BSND: variants seen among roughly 807,000 people sequenced by gnomAD.
BSND encodes the protein barttin CLCNK type accessory subunit beta.
Under a neutral mutation model 18.8 loss-of-function variants are expected in BSND, and 13 were observed. That is an observed-to-expected ratio of 0.69 (90% CI 0.45 to 1.10). The LOEUF (loss-of-function observed/expected upper bound fraction) is 1.10, where lower values mean the gene tolerates loss of function less well. Among genes scored for constraint, BSND ranks in the 50% least tolerant of loss-of-function variants. BSND has a pLI of 0.00. For synonymous variants in BSND, 170 were observed against 161.8 expected, an observed-to-expected ratio of 1.05 and a Z score of -0.39; for missense variants, 379 against 416.7, an observed-to-expected ratio of 0.91 and a Z score of 0.79.
rs1248888698 is a variant in BSND, at chr1:55,016,130, T to C, written c.*7502T>C. Reference sequence around the variant, plus strand: ...GTGATGGACAAGGACAAAGCTACAGTTTCCATGGAAGGAGGGCTTTGCAGT... The same window carrying C: ...GTGATGGACAAGGACAAAGCTACAGCTTCCATGGAAGGAGGGCTTTGCAGT... On this transcript the variant is annotated 3_prime_UTR_variant, in exon 4 of 4. Transcript: ENST00000651561. Among the ~76,000 whole-genome samples, 1 of 152,104 alleles carries C rather than the reference T, an allele frequency of 6.6e-6. No homozygotes were observed. Among genetic ancestry groups the C allele is most frequent in the African/African-American group, 2.4e-5 (1 of 41,406 alleles).
intron 1 of BSND, among the ~76,000 whole-genome samples, chr1:55,004,666 C>T (rs1357156724): frequency 6.6e-6 from 1 of 152,224 alleles, no homozygotes; most frequent in Non-Finnish European, 1.5e-5. Context: ...CTACTATGTG[C>T]CAGGCTTGTG....
chr1:55,005,473 G>A (rs1380263683), intron 2 of BSND, among the ~76,000 whole-genome samples: 2 of 152,208 alleles, frequency 1.3e-5, no homozygotes, highest in African/African-American at 2.4e-5. Context: ...CAAGAGGCAT[G>A]GTGGTGGCCA....
intron 2 of BSND, among the ~76,000 whole-genome samples, chr1:55,006,381 A>G (rs535860883): frequency 1.1e-4 from 16 of 152,160 alleles, no homozygotes; most frequent in Non-Finnish European, 2.2e-4. Flanking sequence ...GGACTGTAGC[A>G]CAGTCATAGA....
rs576445606 is a variant in BSND at position 55,015,762 on chromosome 1, C to T, written c.*7134C>T. The stretch of plus-strand genomic sequence containing the variant: ...TGTCTTGGGGGAACCTCTACTACCC[C>T]GGGCTAACTGCAGAGTGAACAGTGA... On this transcript the variant is annotated 3_prime_UTR_variant, in exon 4 of 4. Coordinates refer to ENST00000651561, the MANE Select transcript of BSND (RefSeq NM_057176.3). 3.3e-5 allele frequency among the ~76,000 whole-genome samples: 5 copies of T among 152,308 alleles called. No homozygotes were observed. The highest frequency in any genetic ancestry group is 2.1e-4 in the South Asian group (1 of 4,830).
rs994779204 is a variant in BSND at position 55,013,702 on chromosome 1, C to G, written c.*5074C>G. On this transcript the variant is annotated 3_prime_UTR_variant, in exon 4 of 4. Transcript: ENST00000651561. ...CCCTGTGCTAGTGTGGAGGGAGACA[C>G]CCCCCTGCAACATCTTCCATGACTG... 1.3e-5 allele frequency among the ~76,000 whole-genome samples: 2 copies of G among 152,060 alleles called. No individual in the cohort carries two copies. Among genetic ancestry groups the G allele is most frequent in the African/African-American group, 4.8e-5 (2 of 41,348 alleles).
At chr1:55,005,955 C>T (rs144353710) in intron 2 of BSND, among the ~76,000 whole-genome samples, 65 of 152,186 alleles carry the variant, frequency 4.3e-4, no homozygotes, top group African/African-American at 1.5e-3. Flanking sequence ...CTGCTTCCCT[C>T]TCTGGAGGTT....
Position 55,009,063 on chromosome 1 carries a change from C to T in BSND, c.*435C>T, listed in dbSNP as rs1431404292. 1 of 247,482 alleles carries T rather than the reference C, an allele frequency of 4.0e-6. No homozygotes were observed. Among genetic ancestry groups the T allele is most frequent in the East Asian group, 1.1e-4 (1 of 9,056 alleles). 15.3% of individuals were successfully genotyped at this position (247,482 alleles called of 1,614,324 possible). On this transcript the variant is annotated 3_prime_UTR_variant, in exon 4 of 4. Transcript: ENST00000651561. ...TTACACAGAGGGAGCCTCATCTCCTCCTGGGCCACATTCCTCCTGCAGCTC... is the reference window on the plus strand; with the variant it reads ...TTACACAGAGGGAGCCTCATCTCCTTCTGGGCCACATTCCTCCTGCAGCTC...
At chr1:55,001,115 T>C (rs962697381) in intron 1 of BSND, among the ~76,000 whole-genome samples, 9 of 152,196 alleles carry the variant, frequency 5.9e-5, no homozygotes, top group Admixed American at 5.9e-4. Flanking sequence ...TGCTCCTTCA[T>C]GTCCCACTTC....
At chr1:55,007,357 T>C in intron 3 of BSND, 85 bp downstream of exon 3, 2 of 313,992 alleles carry the variant, frequency 6.4e-6, no homozygotes, top group Admixed American at 6.1e-5. Flanking sequence ...GAGGGGTGGG[T>C]GGGGACACTG....
At position 55,007,112 on chromosome 1, in the gene BSND, T is replaced by G; in HGVS notation, c.388T>G (p.Ser130Ala). Residue 130 changes from serine to alanine, a missense_variant, in exon 3 of 4, where the codon TCC becomes GCC. Coordinates refer to ENST00000651561, the MANE Select transcript of BSND (RefSeq NM_057176.3). ...CATGAGCTACAGTGAGGACCACCGCTCCTTGCTGGCCCCTGAGATGGGGCA... is the reference window on the plus strand; with the variant it reads ...CATGAGCTACAGTGAGGACCACCGCGCCTTGCTGGCCCCTGAGATGGGGCA... ...KVMSYSEDHR[S>A]LLAPEMGQPK... is the part of the protein sequence containing the mutation. 6.2e-7 allele frequency: 1 copy of G among 1,614,122 alleles called. No homozygotes were observed. The highest frequency in any genetic ancestry group is 8.5e-7 in the Non-Finnish European group (1 of 1,180,030).
intron 1 of BSND, 82 bp downstream of exon 1, chr1:54,999,445 C>T (rs1557482054): frequency 2.1e-6 from 3 of 1,400,078 alleles, no homozygotes; most frequent in Non-Finnish European, 1.9e-6. Context: ...CATGCCTCAC[C>T]CCCTATCCTT....
chr1:55,013,169 T>A lies in BSND; in HGVS notation c.*4541T>A, dbSNP rs1644430880. On this transcript the variant is annotated 3_prime_UTR_variant, in exon 4 of 4. Transcript: ENST00000651561. ...TCCCCATTTTATTTTTATGTATTTA[T>A]TTATTTATTTTGAGATGGAGTGTTG... 6.6e-6 allele frequency among the ~76,000 whole-genome samples: 1 copy of A among 152,120 alleles called. No individual in the cohort carries two copies. The highest frequency in any genetic ancestry group is 2.4e-5 in the African/African-American group (1 of 41,400).
chr1:55,003,722 C>T (rs1013033990), intron 1 of BSND, among the ~76,000 whole-genome samples: 2 of 152,200 alleles, frequency 1.3e-5, no homozygotes, highest in African/African-American at 4.8e-5. Flanking sequence ...TCATCAATAG[C>T]ATCAAGTTAT....
intron 1 of BSND, 21 bp downstream of exon 1, chr1:54,999,384 G>T (rs369080265): frequency 4.6e-5 from 74 of 1,597,240 alleles, no homozygotes; most frequent in Non-Finnish European, 5.9e-5. Context: ...GTGGGGCTGG[G>T]TGGGGCCAGG....
chr1:55,002,365 G>T (rs986404909), intron 1 of BSND, among the ~76,000 whole-genome samples: 60 of 152,330 alleles, frequency 3.9e-4, no homozygotes, highest in African/African-American at 1.4e-3. Flanking sequence ...TGGGGCAGGG[G>T]AGCTGTGAGC....
At chr1:55,005,200 G>A in intron 2 of BSND, 84 bp downstream of exon 2, 3 of 1,308,966 alleles carry the variant, frequency 2.3e-6, no homozygotes, top group African/African-American at 1.5e-5. Flanking sequence ...AGGGAGGGCA[G>A]GAAGGCTGTT....
rs1193244825 is a variant in BSND at position 55,015,843 on chromosome 1, T to C, written c.*7215T>C. Among the ~76,000 whole-genome samples the C allele has an allele frequency of 2.0e-5, 3 of 151,430 alleles. No homozygotes were observed. In the East Asian group the frequency reaches 5.8e-4, roughly 29 times the overall value. On this transcript the variant is annotated 3_prime_UTR_variant, in exon 4 of 4. Transcript: ENST00000651561. ...CGGGGATCTGACCCCACCTGGAGAGTCGGCAGGAGCTTCTCAGAGAGGAAC... is the reference window on the plus strand; with the variant it reads ...CGGGGATCTGACCCCACCTGGAGAGCCGGCAGGAGCTTCTCAGAGAGGAAC...
intron 2 of BSND, 73 bp from the exon 3 acceptor site, chr1:55,006,924 A>C (rs1644394052): frequency 6.2e-7 from 1 of 1,608,966 alleles, no homozygotes; most frequent in South Asian, 1.1e-5. Flanking sequence ...ACCCAAAGCA[A>C]ACAGGGCCGG....
Position 55,013,657 on chromosome 1 carries a change from C to T in BSND, c.*5029C>T, listed in dbSNP as rs770836865. Among the ~76,000 whole-genome samples the T allele has an allele frequency of 5.3e-5, 8 of 152,158 alleles. No homozygotes were observed. The highest frequency in any genetic ancestry group is 8.8e-5 in the Non-Finnish European group (6 of 68,012). ...AAATCAGTATCAATAAGTCAGGCAG[C>T]AAGGTTCCACTGAGCATCTCCCTGT... On this transcript the variant is annotated 3_prime_UTR_variant, in exon 4 of 4. Coordinates refer to ENST00000651561, the MANE Select transcript of BSND (RefSeq NM_057176.3).
Sources: allele counts gnomAD v4.1 joint callset (sites outside exome capture counted in the v4.1 genomes callset), GRCh38; gene constraint gnomAD v4.1.1; transcripts MANE v1.5; gene names NCBI Gene and HGNC (gene_info 2026-07-23, HGNC 2026-07-21).